LRMDA: variants seen among roughly 807,000 people sequenced by gnomAD.
LRMDA encodes the protein leucine rich melanocyte differentiation associated, also known as leucine-rich melanocyte differentiation-associated protein.
LRMDA carries 18 observed loss-of-function variants against 29.8 expected under a neutral mutation model. The ratio of observed to expected loss-of-function variants is 0.60; its 90% confidence interval spans 0.42 to 0.90. LRMDA has a LOEUF of 0.90. Ranked by LOEUF, LRMDA falls within the 40% of genes least tolerant of loss-of-function variation. The pLI is 0.00. For synonymous variants in LRMDA, 125 were observed against 109.4 expected (o/e 1.14, Z -0.89); for missense variants, 273 against 273.9 (o/e 1.00, Z 0.02).
intron 2 of LRMDA, among the ~76,000 whole-genome samples, chr10:75,999,048 A>G (rs1564626537): frequency 6.6e-6 from 1 of 152,192 alleles, no homozygotes; most frequent in Non-Finnish European, 1.5e-5. Context: ...TGCTCTTGCT[A>G]TGGAGACTAA....
chr10:75,540,765 A>G (rs575008399), intron 2 of LRMDA, among the ~76,000 whole-genome samples: 2 of 152,250 alleles, frequency 1.3e-5, no homozygotes, highest in East Asian at 1.9e-4. Context: ...GTAAGCAGCT[A>G]TTACTCATGT....
intron 5 of LRMDA, among the ~76,000 whole-genome samples, chr10:76,171,482 C>A (rs1850835563): frequency 6.6e-6 from 1 of 152,176 alleles, no homozygotes; most frequent in Non-Finnish European, 1.5e-5. Flanking sequence ...AGGCCTTTCT[C>A]CTCCTACCTC....
At chr10:75,678,889 G>A (rs1350005117) in intron 2 of LRMDA, among the ~76,000 whole-genome samples, 1 of 152,156 alleles carries the variant, frequency 6.6e-6, no homozygotes. Flanking sequence ...GAAGGATGTG[G>A]GGAGTGGATC....
At chr10:75,687,671 A>G (rs1333454290) in intron 2 of LRMDA, among the ~76,000 whole-genome samples, 1 of 152,244 alleles carries the variant, frequency 6.6e-6, no homozygotes, top group Non-Finnish European at 1.5e-5. Context: ...ACTAAACAAC[A>G]TATTTTCAAT....
intron 5 of LRMDA, among the ~76,000 whole-genome samples, chr10:76,315,776 C>A (rs1201963115): frequency 3.3e-5 from 5 of 152,110 alleles, no homozygotes. Context: ...GCCTGGGGGC[C>A]GGGCTGCCAG....
intron 2 of LRMDA, among the ~76,000 whole-genome samples, chr10:75,594,198 C>G (rs1031729812): frequency 1.1e-4 from 17 of 152,186 alleles, no homozygotes; most frequent in African/African-American, 4.1e-4. Context: ...GAGAGCTCAG[C>G]AGGGCTGCCC....
intron 2 of LRMDA, among the ~76,000 whole-genome samples, chr10:75,505,649 A>AC (rs886480722): frequency 5.9e-5 from 9 of 151,708 alleles, no homozygotes; most frequent in South Asian, 4.2e-4. Flanking sequence ...GCACTCATGG[A>AC]CCCCCCATAT....
At chr10:76,047,718 T>C (rs531165308) in intron 4 of LRMDA, among the ~76,000 whole-genome samples, 30 of 152,346 alleles carry the variant, frequency 2.0e-4, no homozygotes, top group African/African-American at 6.0e-4. Context: ...TGTAACTTGC[T>C]GACCCCTGCT....
intron 2 of LRMDA, among the ~76,000 whole-genome samples, chr10:75,489,038 G>T (rs1333641240): frequency 6.6e-6 from 1 of 152,050 alleles, no homozygotes; most frequent in Non-Finnish European, 1.5e-5. Context: ...TTCCCAGAAA[G>T]ATAAATTACA....
chr10:76,160,297 A>G (rs959922624), intron 5 of LRMDA, among the ~76,000 whole-genome samples: 4 of 151,418 alleles, frequency 2.6e-5, no homozygotes, highest in African/African-American at 9.7e-5. Flanking sequence ...TTGTCTCTGG[A>G]CCTTAAATAT....
In LRMDA at chr10:76,103,819, G is replaced by A. The variant is rs189989215; in HGVS notation, c.516+45036G>A. On this transcript the variant is annotated intron_variant, in intron 5 of 6. Coordinates refer to ENST00000611255, the MANE Select transcript of LRMDA (RefSeq NM_001305581.2). ...TAATCCCAGCACTTTGGGAGGCTGA[G>A]GCGGGTGGATCACGAGGTCAGGAGT... is the stretch of plus-strand genomic sequence containing the variant. Among the ~76,000 whole-genome samples the A allele has an allele frequency of 5.9e-5, 9 of 152,232 alleles. 1 individual carries two copies. The East Asian group carries it at 1.7e-3, about 30-fold the overall frequency.
chr10:75,826,054 G>A (rs1019961280), intron 2 of LRMDA, among the ~76,000 whole-genome samples: 1 of 152,064 alleles, frequency 6.6e-6, no homozygotes, highest in African/African-American at 2.4e-5. Context: ...TATGGCTTTG[G>A]GGGGCCTCAG....
intron 3 of LRMDA, among the ~76,000 whole-genome samples, chr10:76,046,544 G>A (rs1201852688): frequency 6.6e-6 from 1 of 152,062 alleles, no homozygotes; most frequent in Non-Finnish European, 1.5e-5. Flanking sequence ...TCACCTGGGG[G>A]CATGATCTCT....
chr10:75,478,333 A>C lies in LRMDA; in HGVS notation c.131+39839A>C, dbSNP rs566922813. On this transcript the variant is annotated intron_variant, in intron 2 of 6. Coordinates refer to ENST00000611255, the MANE Select transcript of LRMDA (RefSeq NM_001305581.2). ...GTTCAGGCTTGGTGACTGATGTTGC[A>C]TTGTCTGCTGTTAATAGCCTAGAGA... 2.0e-5 allele frequency among the ~76,000 whole-genome samples: 3 copies of C among 152,288 alleles called. No individual in the cohort carries two copies. In the East Asian group the frequency reaches 5.8e-4, roughly 29 times the overall value.
intron 2 of LRMDA, among the ~76,000 whole-genome samples, chr10:75,975,203 GT>G (rs772535336): frequency 6.6e-6 from 1 of 152,222 alleles, no homozygotes; most frequent in Non-Finnish European, 1.5e-5. Context: ...ACTTGTCTAG[GT>G]CACGCAGCTC....
chr10:76,247,787 G>A (rs56984594), intron 5 of LRMDA, among the ~76,000 whole-genome samples: 8,852 of 152,174 alleles, frequency 0.058, 343 homozygotes, highest in African/African-American at 0.1. Flanking sequence ...GAAAGCATTT[G>A]CATGTGGGGT....
rs201752373 is a variant in LRMDA, at chr10:75,660,572, A to G, written c.131+222078A>G. Among the ~76,000 whole-genome samples the G allele has an allele frequency of 8.5e-5, 13 of 152,348 alleles. No individual in the cohort carries two copies. The East Asian group carries it at 2.5e-3, about 29-fold the overall frequency. ...CTCACCAATTCATGGGACGCCTGAC[A>G]TGAAAGGCAGCGAGAAACAAAGATG... On this transcript the variant is annotated intron_variant, in intron 2 of 6. Coordinates refer to ENST00000611255, the MANE Select transcript of LRMDA (RefSeq NM_001305581.2).
intron 5 of LRMDA, among the ~76,000 whole-genome samples, chr10:76,233,358 G>A (rs1211090455): frequency 6.6e-6 from 1 of 152,080 alleles, no homozygotes; most frequent in East Asian, 1.9e-4. Context: ...ATAACTATCT[G>A]CATTTTCAGT....
chr10:75,864,037 A>G (rs1348105123), intron 2 of LRMDA, among the ~76,000 whole-genome samples: 3 of 152,172 alleles, frequency 2.0e-5, no homozygotes, highest in African/African-American at 7.2e-5. Flanking sequence ...TGAACAGTGA[A>G]CTAGAAGTCA....
Sources: gnomAD v4.1 joint callset for allele counts (sites outside exome capture counted in the v4.1 genomes callset) on GRCh38, gnomAD v4.1.1 for gene constraint, MANE v1.5 for transcripts, NCBI Gene and HGNC (gene_info 2026-07-23, HGNC 2026-07-21) for gene names.